Variants in PINX1 observed in about 807,000 individuals in gnomAD.
PINX1 encodes the protein PIN2 (TERF1) interacting telomerase inhibitor 1, also known as PIN2/TERF1-interacting telomerase inhibitor 1.
PINX1 carries 34 observed loss-of-function variants against 25.4 expected under a neutral mutation model. The ratio of observed to expected loss-of-function variants is 1.34; its 90% confidence interval spans 1.02 to 1.78. The LOEUF (loss-of-function observed/expected upper bound fraction) is 1.78. Among genes scored for constraint, PINX1 ranks in the 40% most tolerant of loss-of-function variants. The pLI is 0.00. For missense variants in PINX1, 592 were observed against 404.9 expected (o/e 1.46, Z -3.97); for synonymous variants, 197 against 147.7 (o/e 1.33, Z -2.42).
chr8:10,766,841 G>A (rs1349121422), intron 6 of PINX1, among the ~76,000 whole-genome samples: 1 of 152,202 alleles, frequency 6.6e-6, no homozygotes, highest in African/African-American at 2.4e-5. Context: ...TTCCTAAGGG[G>A]AGAGGCTGGG....
At chr8:10,817,867 G>A (rs1304400797) in intron 6 of PINX1, among the ~76,000 whole-genome samples, 3 of 152,304 alleles carry the variant, frequency 2.0e-5, no homozygotes, top group East Asian at 3.9e-4. Context: ...GGCTATCCCC[G>A]TGTTCTCAAC....
chr8:10,806,852 A>G (rs991098996), intron 6 of PINX1, among the ~76,000 whole-genome samples: 3 of 152,256 alleles, frequency 2.0e-5, no homozygotes, highest in East Asian at 3.9e-4. Flanking sequence ...GCCCACGTCC[A>G]TGGCCCCAGC....
At chr8:10,772,662 T>C (rs1422138916) in intron 6 of PINX1, among the ~76,000 whole-genome samples, 1 of 152,244 alleles carries the variant, frequency 6.6e-6, no homozygotes. Flanking sequence ...CATTAGCAAG[T>C]ATCACAAGAG....
intron 6 of PINX1, among the ~76,000 whole-genome samples, chr8:10,777,403 C>T (rs141411452): frequency 7.2e-5 from 11 of 152,288 alleles, no homozygotes; most frequent in East Asian, 1.9e-4. Flanking sequence ...TGTCCTAGGA[C>T]AGGAAAAGGA....
At chr8:10,781,982 T>G (rs188072100) in intron 6 of PINX1, among the ~76,000 whole-genome samples, 19 of 149,720 alleles carry the variant, frequency 1.3e-4, no homozygotes, top group African/African-American at 4.8e-4. Flanking sequence ...TGTGTATGTA[T>G]GTATACAGTG....
Position 10,779,685 on chromosome 8 carries a change from C to T in PINX1, c.472-13769G>A, listed in dbSNP as rs191760289. On this transcript the variant is annotated intron_variant, in intron 6 of 6. Coordinates refer to ENST00000314787, the MANE Select transcript of PINX1 (RefSeq NM_017884.6). ...CTGTTGATTCCAGGAAACTTACTGT[C>T]GGGAAGTAAAGATAAAAGATGAGTG... Among the ~76,000 whole-genome samples, 7 of 152,128 alleles carry T rather than the reference C, an allele frequency of 4.6e-5. No homozygotes were observed. In the South Asian group the frequency reaches 1.0e-3, roughly 23 times the overall value.
intron 6 of PINX1, among the ~76,000 whole-genome samples, chr8:10,782,111 C>G (rs1428103596): frequency 6.6e-6 from 1 of 152,154 alleles, no homozygotes; most frequent in African/African-American, 2.4e-5. Context: ...ATTGCATGAT[C>G]TCACTGATAA....
rs757368353 is a variant in PINX1, at chr8:10,834,699, C to T, written c.96G>A (p.Arg32=). The T allele has an allele frequency of 5.0e-6, 8 of 1,613,814 alleles. No individual in the cohort carries two copies. In the African/African-American group the frequency reaches 9.3e-5, roughly 19 times the overall value. Residue 32 remains arginine (R), a synonymous_variant, in exon 2 of 7, where the codon CGG becomes CGA. Transcript: ENST00000314787. ...WSNDDSKFGQ[R]MLEKMGWSKG... is the part of the protein sequence containing the mutation. ...TAGACCACCCCATCTTCTCTAGCATCCGCTGGCCAAACTTGGAATCGTCAT... is the reference window on the plus strand; with the variant it reads ...TAGACCACCCCATCTTCTCTAGCATTCGCTGGCCAAACTTGGAATCGTCAT...
chr8:10,770,464 A>G (rs1480399443), intron 6 of PINX1, among the ~76,000 whole-genome samples: 5 of 152,202 alleles, frequency 3.3e-5, no homozygotes, highest in Non-Finnish European at 7.3e-5. Context: ...AGCTACATGT[A>G]TCAACTCTTC....
At chr8:10,835,462 G>C (rs1798376303) in intron 1 of PINX1, among the ~76,000 whole-genome samples, 1 of 152,182 alleles carries the variant, frequency 6.6e-6, no homozygotes, top group Non-Finnish European at 1.5e-5. Context: ...CTCTTGGGGA[G>C]AGTCAACTGT....
chr8:10,826,390 C>G (rs1452684014), intron 4 of PINX1, 146 bp from the exon 5 acceptor site: 2 of 543,086 alleles, frequency 3.7e-6, no homozygotes, highest in Non-Finnish European at 6.4e-6. Context: ...GCAACAGCAC[C>G]CTTCTGCTGG....
At chr8:10,827,814 G>A (rs1051492704) in intron 4 of PINX1, among the ~76,000 whole-genome samples, 1 of 151,326 alleles carries the variant, frequency 6.6e-6, no homozygotes, top group Admixed American at 6.6e-5. Flanking sequence ...AGGAGGCTGA[G>A]GCAGGAGAAT....
intron 6 of PINX1, among the ~76,000 whole-genome samples, chr8:10,798,294 C>G (rs555871637): frequency 1.3e-4 from 20 of 152,238 alleles, no homozygotes; most frequent in Admixed American, 6.5e-4. Flanking sequence ...ATGAGAGCAG[C>G]ACAGGCTCCA....
chr8:10,773,362 T>C (rs918871858), intron 6 of PINX1, among the ~76,000 whole-genome samples: 2 of 152,258 alleles, frequency 1.3e-5, no homozygotes, highest in African/African-American at 4.8e-5. Context: ...GGCTGCTAAC[T>C]GCTGCCTGCT....
At chr8:10,807,106 T>G (rs1338691592) in intron 6 of PINX1, among the ~76,000 whole-genome samples, 1 of 151,870 alleles carries the variant, frequency 6.6e-6, no homozygotes, top group African/African-American at 2.4e-5. Context: ...AAAGAGGAAC[T>G]CAGAGGACCA....
At chr8:10,812,153 T>C (rs1328737994) in intron 6 of PINX1, among the ~76,000 whole-genome samples, 1 of 152,224 alleles carries the variant, frequency 6.6e-6, no homozygotes, top group Non-Finnish European at 1.5e-5. Context: ...TGACTTGCTA[T>C]TTTACCTGAA....
chr8:10,798,788 A>G (rs990049668), intron 6 of PINX1, among the ~76,000 whole-genome samples: 1 of 152,198 alleles, frequency 6.6e-6, no homozygotes, highest in Non-Finnish European at 1.5e-5. Context: ...ATTACCTGGG[A>G]GCTTGTTAAG....
chr8:10,766,653 G>A (rs1198359875), intron 6 of PINX1, among the ~76,000 whole-genome samples: 1 of 152,196 alleles, frequency 6.6e-6, no homozygotes, highest in Non-Finnish European at 1.5e-5. Flanking sequence ...CTGTATACTC[G>A]GGACTGTGTT....
chr8:10,801,375 G>C (rs1177377027), intron 6 of PINX1, among the ~76,000 whole-genome samples: 2 of 152,212 alleles, frequency 1.3e-5, no homozygotes, highest in Non-Finnish European at 2.9e-5. Context: ...ATGCCTTAAA[G>C]AGTCTCCAAG....
Sources: allele counts gnomAD v4.1 joint callset (sites outside exome capture counted in the v4.1 genomes callset), GRCh38; gene constraint gnomAD v4.1.1; transcripts MANE v1.5; gene names NCBI Gene and HGNC (gene_info 2026-07-23, HGNC 2026-07-21).